The following UPK3A variants were observed in gnomAD, a reference collection of about 807,000 sequenced individuals.
The protein encoded by UPK3A is uroplakin-3a.
UPK3A carries 32 observed loss-of-function variants against 27.6 expected under a neutral mutation model. The ratio of observed to expected loss-of-function variants is 1.16; its 90% CI spans 0.87 to 1.55. The LOEUF (loss-of-function observed/expected upper bound fraction) is 1.55. Among genes scored for constraint, UPK3A ranks in the 40% most tolerant of loss-of-function variants. The probability of loss-of-function intolerance (pLI) is 0.00; values close to 1 mark genes in which losing one functional copy is unlikely to be tolerated. For missense variants in UPK3A, 370 were observed against 367.9 expected, an observed-to-expected ratio of 1.01 and a Z score of -0.05; for synonymous variants, 171 against 163.9, an observed-to-expected ratio of 1.04 and a Z score of -0.33.
chr22:45,291,902 A>ATGTGTGG (rs773406995), intron 4 of UPK3A, among the ~76,000 whole-genome samples: 3 of 145,962 alleles, frequency 2.1e-5, no homozygotes, highest in African/African-American at 5.1e-5. Context: ...GTGAGTTGGT[A>ATGTGTGG]TGTGTGGTGT....
At chr22:45,293,838 C>T (rs181336526) in intron 5 of UPK3A, among the ~76,000 whole-genome samples, 4 of 152,198 alleles carry the variant, frequency 2.6e-5, no homozygotes, top group East Asian at 1.9e-4. Flanking sequence ...TGGCCCAAGG[C>T]GACACAACCT....
At position 45,289,093 on chromosome 22, in the gene UPK3A, G is replaced by A. The variant is rs991152250; in HGVS notation, c.521G>A (p.Gly174Asp). The change falls in exon 4 of 6, where the codon GGC (glycine) becomes GAC (aspartate). Residue 174 changes from glycine (G) to aspartate (D), a missense_variant. Transcript: ENST00000216211. ...FKYVLVNMST[G>D]LVEDQTLWSD... ...TATGTCCTGGTCAATATGTCCACGG[G>A]CTTGGTAGAGGACCAGACCCTGTGG... 1.9e-6 allele frequency: 3 copies of A among 1,613,982 alleles called. No individual in the cohort carries two copies. In the Admixed American group the frequency reaches 5.0e-5, roughly 27 times the overall value.
intron 1 of UPK3A, among the ~76,000 whole-genome samples, chr22:45,285,569 G>A (rs1050119451): frequency 6.6e-6 from 1 of 152,226 alleles, no homozygotes. Context: ...GTCAGGGGGC[G>A]CTGGGGGACC....
intron 5 of UPK3A, among the ~76,000 whole-genome samples, chr22:45,294,779 C>A (rs1046960632): frequency 5.3e-5 from 8 of 152,028 alleles, no homozygotes; most frequent in African/African-American, 1.2e-4. Flanking sequence ...CACTAAACTG[C>A]GATCTGTACC....
intron 5 of UPK3A, among the ~76,000 whole-genome samples, chr22:45,294,882 CTTTT>C (rs533550582): frequency 1.5e-5 from 2 of 134,868 alleles, no homozygotes; most frequent in Admixed American, 7.6e-5. Context: ...CCCTACGCTC[CTTTT>C]TTTTTTTTTT....
At chr22:45,293,140 G>T in intron 4 of UPK3A, 41 bp from the exon 5 acceptor site, 1 of 1,610,732 alleles carries the variant, frequency 6.2e-7, no homozygotes. Context: ...GGTGAGGGTG[G>T]TGCGGTGTCT....
At position 45,287,389 on chromosome 22, in the gene UPK3A, C is replaced by A. The variant is rs754349035; in HGVS notation, c.426C>A (p.Cys142Ter). 6.2e-7 allele frequency: 1 copy of A among 1,612,518 alleles called. No homozygotes were observed. Among genetic ancestry groups the A allele is most frequent in the East Asian group, 2.2e-5 (1 of 44,846 alleles). ...TCAGGGTGGGTGCCAACGGGACCTGCCTGTGGGATCCCAACTTCCAGGGCC... is the reference window on the plus strand; with the variant it reads ...TCAGGGTGGGTGCCAACGGGACCTGACTGTGGGATCCCAACTTCCAGGGCC... ...YLVRVGANGT[C>*]LWDPNFQGLC... The change falls in exon 3 of 6, where the codon TGC becomes TGA. Residue 142 changes from cysteine (C) to a stop codon, truncating the protein, a stop_gained. Coordinates refer to ENST00000216211, the MANE Select transcript of UPK3A (RefSeq NM_006953.4). LOFTEE classifies it high-confidence loss of function.
rs368257166 is a variant in UPK3A at position 45,293,398 on chromosome 22, C to T, written c.704+85C>T. ...ACAGGGACTCAGCAGTGGGGTCCTC[C>T]GAGGCAGGGGACAGCCCGGAAGGCA... On this transcript the variant is annotated intron_variant, in intron 5 of 5. Coordinates refer to ENST00000216211, the MANE Select transcript of UPK3A (RefSeq NM_006953.4). 3.8e-5 allele frequency: 60 copies of T among 1,567,870 alleles called. No individual in the cohort carries two copies. The Admixed American group carries it at 7.5e-4, about 20-fold the overall frequency.
chr22:45,288,552 C>T (rs185670576), intron 3 of UPK3A, among the ~76,000 whole-genome samples: 2 of 152,286 alleles, frequency 1.3e-5, no homozygotes, highest in South Asian at 2.1e-4. Context: ...AGGCTGGTCT[C>T]GAGCCCCTGA....
At chr22:45,288,956 C>A in intron 3 of UPK3A, 105 bp from the exon 4 acceptor site, 4 of 1,074,866 alleles carry the variant, frequency 3.7e-6, no homozygotes, top group East Asian at 2.5e-5. Flanking sequence ...GAAGGGCCCC[C>A]GCTGCCGTCT....
chr22:45,293,002 T>A (rs1181882227), intron 4 of UPK3A, among the ~76,000 whole-genome samples, 179 bp from the exon 5 acceptor site: 1 of 148,540 alleles, frequency 6.7e-6, no homozygotes, highest in Non-Finnish European at 1.5e-5. Flanking sequence ...AGTTGGAAAG[T>A]GGAATGTGGG....
intron 1 of UPK3A, among the ~76,000 whole-genome samples, chr22:45,285,624 T>TG (rs1174899559): frequency 4.5e-5 from 6 of 134,484 alleles, no homozygotes; most frequent in South Asian, 2.4e-4. Context: ...GACTTGCATG[T>TG]GGGGGGAGGG....
intron 1 of UPK3A, among the ~76,000 whole-genome samples, 156 bp from the exon 2 acceptor site, chr22:45,285,785 C>A (rs961006556): frequency 6.6e-6 from 1 of 152,112 alleles, no homozygotes; most frequent in Non-Finnish European, 1.5e-5. Flanking sequence ...AGCAGGATGA[C>A]TGGGCAGGGG....
At chr22:45,288,548 G>A (rs1326306263) in intron 3 of UPK3A, among the ~76,000 whole-genome samples, 1 of 152,112 alleles carries the variant, frequency 6.6e-6, no homozygotes, top group African/African-American at 2.4e-5. Flanking sequence ...GGCCAGGCTG[G>A]TCTCGAGCCC....
intron 5 of UPK3A, among the ~76,000 whole-genome samples, chr22:45,294,803 C>T (rs780325627): frequency 5.3e-5 from 8 of 152,000 alleles, no homozygotes; most frequent in Non-Finnish European, 1.0e-4. Context: ...GCTCCAGATA[C>T]TCCTCAGCCC....
chr22:45,291,900 G>A (rs915186287), intron 4 of UPK3A, among the ~76,000 whole-genome samples: 6 of 150,688 alleles, frequency 4.0e-5, no homozygotes, highest in African/African-American at 1.5e-4. Context: ...GTGTGAGTTG[G>A]TATGTGTGGT....
At chr22:45,291,601 G>A (rs1014408577) in intron 4 of UPK3A, among the ~76,000 whole-genome samples, 7 of 150,274 alleles carry the variant, frequency 4.7e-5, no homozygotes, top group Admixed American at 2.6e-4. Flanking sequence ...TGTGGTGTCT[G>A]AGTGTGACTG....
intron 3 of UPK3A, among the ~76,000 whole-genome samples, chr22:45,288,451 G>C: frequency 6.6e-6 from 1 of 152,180 alleles, no homozygotes; most frequent in Non-Finnish European, 1.5e-5. Context: ...GCCCGCCTCA[G>C]CCTCCCAAAG....
rs749368484 is a variant in UPK3A, at chr22:45,295,660, G to A, written c.805G>A (p.Val269Met). 2.6e-5 allele frequency: 42 copies of A among 1,613,744 alleles called. No homozygotes were observed. The highest frequency in any genetic ancestry group is 3.3e-5 in the Non-Finnish European group (39 of 1,180,016). Reference protein sequence around the residue: ...LGASESSYTSVNRGPPLDRAE... With the variant: ...LGASESSYTSMNRGPPLDRAE... Reference sequence around the variant, plus strand: ...GGCCTCGGAGTCTTCCTACACGTCCGTGAACCGGGGGCCGCCACTGGACAG... The same window carrying A: ...GGCCTCGGAGTCTTCCTACACGTCCATGAACCGGGGGCCGCCACTGGACAG... The change falls in exon 6 of 6, where the codon GTG becomes ATG. Residue 269 changes from valine to methionine, a missense_variant. Val to Met is a conservative substitution (Grantham distance 21, BLOSUM62 1). Coordinates refer to ENST00000216211, the MANE Select transcript of UPK3A (RefSeq NM_006953.4).
Sources: gnomAD v4.1 joint callset for allele counts (sites outside exome capture counted in the v4.1 genomes callset) on GRCh38, gnomAD v4.1.1 for gene constraint, MANE v1.5 for transcripts, NCBI Gene and HGNC (gene_info 2026-07-23, HGNC 2026-07-21) for gene names.